The following RNF216 variants were observed in gnomAD, a reference collection of about 807,000 sequenced individuals.
RNF216 encodes ring finger protein 216.
A neutral mutation model predicts 110.8 loss-of-function variants in RNF216; 72 were observed. The ratio of observed to expected loss-of-function variants is 0.65; its 90% CI spans 0.54 to 0.79. RNF216 has a LOEUF of 0.79. RNF216 is among the 30% of genes least tolerant of loss of function. The pLI, the probability that RNF216 is intolerant of heterozygous loss-of-function variation, is 0.00. For missense variants in RNF216, 1,342 were observed against 1,141.2 expected (o/e 1.18, Z -2.54); for synonymous variants, 495 against 407.5 (o/e 1.21, Z -2.59).
chr7:5,730,642 T>C (rs982331401), intron 6 of RNF216, 73 bp downstream of exon 6: 8 of 1,591,780 alleles, frequency 5.0e-6, no homozygotes, highest in Non-Finnish European at 6.9e-6. Context: ...CCCACAGAGA[T>C]AACAACAACA....
intron 13 of RNF216, among the ~76,000 whole-genome samples, chr7:5,692,449 C>T (rs1791393524): frequency 6.6e-6 from 1 of 152,234 alleles, no homozygotes; most frequent in Non-Finnish European, 1.5e-5. Context: ...CAGTTGGAAA[C>T]AGTCTTGAAT....
intron 13 of RNF216, among the ~76,000 whole-genome samples, chr7:5,694,649 G>A (rs553289305): frequency 1.3e-5 from 2 of 152,180 alleles, no homozygotes; most frequent in Non-Finnish European, 2.9e-5. Flanking sequence ...CACTTGTGGC[G>A]CAATTTGAGG....
intron 13 of RNF216, among the ~76,000 whole-genome samples, chr7:5,664,184 C>G (rs1008196756): frequency 6.6e-6 from 1 of 152,132 alleles, no homozygotes; most frequent in Non-Finnish European, 1.5e-5. Context: ...GCAAAAAAAG[C>G]GTATCTATCT....
chr7:5,695,720 G>A (rs1000863111), intron 13 of RNF216, among the ~76,000 whole-genome samples: 3 of 152,204 alleles, frequency 2.0e-5, no homozygotes, highest in African/African-American at 7.2e-5. Context: ...CGGATGGATG[G>A]TGCACACCAG....
intron 13 of RNF216, among the ~76,000 whole-genome samples, chr7:5,700,516 A>G (rs1457327104): frequency 6.6e-6 from 1 of 152,226 alleles, no homozygotes; most frequent in African/African-American, 2.4e-5. Flanking sequence ...AAGGAACTTA[A>G]TAGGTGGTGT....
intron 8 of RNF216, among the ~76,000 whole-genome samples, chr7:5,723,199 T>A (rs1221273965): frequency 6.6e-6 from 1 of 152,226 alleles, no homozygotes; most frequent in African/African-American, 2.4e-5. Context: ...GAAAAGTGAC[T>A]GGTACATATT....
At chr7:5,723,174 C>A (rs1793541480) in intron 8 of RNF216, among the ~76,000 whole-genome samples, 1 of 152,004 alleles carries the variant, frequency 6.6e-6, no homozygotes, top group African/African-American at 2.4e-5. Context: ...ATGAATTAAT[C>A]CATTAAAGCA....
intron 12 of RNF216, among the ~76,000 whole-genome samples, 156 bp downstream of exon 12, chr7:5,712,559 A>C (rs1258250301): frequency 6.6e-6 from 1 of 152,188 alleles, no homozygotes; most frequent in Non-Finnish European, 1.5e-5. Flanking sequence ...AAAAAATAAA[A>C]ATAAATAAGT....
intron 13 of RNF216, among the ~76,000 whole-genome samples, chr7:5,701,553 G>T (rs112669124): frequency 4.6e-5 from 7 of 152,232 alleles, no homozygotes; most frequent in Non-Finnish European, 8.8e-5. Flanking sequence ...AAAGCTCTAC[G>T]AGGTAGGTGC....
At chr7:5,732,038 G>A (rs28380174) in intron 5 of RNF216, among the ~76,000 whole-genome samples, 2,922 of 151,984 alleles carry the variant, frequency 0.019, 42 homozygotes, top group Non-Finnish European at 0.03. Context: ...TAAGCTCCCC[G>A]CTTCCCTACC....
intron 1 of RNF216, chr7:5,774,981 G>A (rs921079457): frequency 1.3e-5 from 2 of 152,118 alleles, no homozygotes; most frequent in African/African-American, 4.8e-5. Flanking sequence ...CCGACCTCAG[G>A]TGATCCACCC....
chr7:5,748,586 G>T (rs1354139430), intron 3 of RNF216, among the ~76,000 whole-genome samples: 1 of 146,918 alleles, frequency 6.8e-6, no homozygotes, highest in African/African-American at 2.5e-5. Context: ...TTTATTATAA[G>T]AATGCAGTAT....
At chr7:5,775,118 C>T (rs965099555) in intron 1 of RNF216, 3 of 152,148 alleles carry the variant, frequency 2.0e-5, no homozygotes, top group Admixed American at 6.6e-5. Flanking sequence ...AAACTTCTTC[C>T]TCTGTCAAAG....
chr7:5,653,912 A>C (rs852522), intron 13 of RNF216, among the ~76,000 whole-genome samples: 2 of 152,162 alleles, frequency 1.3e-5, no homozygotes, highest in Non-Finnish European at 2.9e-5. Flanking sequence ...TGCAGACAGT[A>C]AGCATGGCCC....
rs117479630 is a variant in RNF216 at position 5,693,128 on chromosome 7, A to C, written c.2061+18633T>G. Among the ~76,000 whole-genome samples, 1,233 of 152,312 alleles carry C rather than the reference A, an allele frequency of 8.1e-3. 9 individuals are homozygous for C. The highest frequency in any genetic ancestry group is 0.02 in the Admixed American group (300 of 15,296). ...CTATGGTATATGCTACGGGTTGGCA[A>C]ACTACAGCTCACTGGCCAATCTGGC... On this transcript the variant is annotated intron_variant, in intron 13 of 16. Transcript: ENST00000389902.
In RNF216 at chr7:5,698,384, TACAC is replaced by T. The variant is rs376096873; in HGVS notation, c.2061+13373_2061+13376del. Among the ~76,000 whole-genome samples the T allele has an allele frequency of 2.0e-3, 286 of 145,384 alleles. 1 individual carries two copies. Among genetic ancestry groups the T allele is most frequent in the African/African-American group, 3.1e-3 (120 of 39,102 alleles). Reference sequence around the variant, plus strand: ...CAGTGAGCTGTCTTAGATTCTTTTATACACACACACACACACACACACACACACA... The same window carrying T: ...CAGTGAGCTGTCTTAGATTCTTTTATACACACACACACACACACACACACA... On this transcript the variant is annotated intron_variant, in intron 13 of 16. Coordinates refer to ENST00000389902, the MANE Select transcript of RNF216 (RefSeq NM_207111.4).
intron 15 of RNF216, among the ~76,000 whole-genome samples, chr7:5,634,843 G>A (rs2128561860): frequency 6.6e-6 from 1 of 152,354 alleles, no homozygotes; most frequent in South Asian, 2.1e-4. Flanking sequence ...GCTTGGGAAA[G>A]CCCTCAGTGA....
At chr7:5,721,791 A>G (rs527546094) in intron 8 of RNF216, among the ~76,000 whole-genome samples, 1 of 152,344 alleles carries the variant, frequency 6.6e-6, no homozygotes, top group East Asian at 1.9e-4. Flanking sequence ...TCAAATATAC[A>G]AGGGGCTGAA....
chr7:5,746,385 CA>C (rs1795031280), intron 3 of RNF216, among the ~76,000 whole-genome samples: 1 of 152,164 alleles, frequency 6.6e-6, no homozygotes, highest in Non-Finnish European at 1.5e-5. Flanking sequence ...GTCAAGCCCC[CA>C]AGATTATGGC....
Sources: gnomAD v4.1 joint callset for allele counts (sites outside exome capture counted in the v4.1 genomes callset) on GRCh38, gnomAD v4.1.1 for gene constraint, MANE v1.5 for transcripts, NCBI Gene and HGNC (gene_info 2026-07-23, HGNC 2026-07-21) for gene names.